Variants in TRIO observed in about 807,000 individuals in gnomAD.
TRIO encodes the protein triple functional domain protein.
Under a neutral mutation model 351.9 loss-of-function variants are expected in TRIO, and 58 were observed. The ratio of observed to expected loss-of-function variants is 0.16; its 90% CI spans 0.13 to 0.21. The LOEUF (loss-of-function observed/expected upper bound fraction) is 0.21, where lower values mean the gene tolerates loss of function less well. TRIO is among the 10% of genes least tolerant of loss of function. TRIO has a pLI of 1.00. For missense variants in TRIO, 3,201 were observed against 4,027.8 expected (o/e 0.79, Z 5.56); for synonymous variants, 1,758 against 1,595.7 (o/e 1.10, Z -2.42).
chr5:14,192,430 G>A (rs376431343), intron 1 of TRIO, among the ~76,000 whole-genome samples: 2 of 151,838 alleles, frequency 1.3e-5, no homozygotes, highest in South Asian at 2.1e-4. Flanking sequence ...GTGGATGCAC[G>A]CCCAGGTAAT....
chr5:14,253,415 G>A (rs920213047), intron 1 of TRIO, among the ~76,000 whole-genome samples: 2 of 152,170 alleles, frequency 1.3e-5, no homozygotes, highest in Non-Finnish European at 2.9e-5. Flanking sequence ...GAGTGCAGTG[G>A]CATGATCTTG....
chr5:14,206,029 C>T (rs980921565), intron 1 of TRIO, among the ~76,000 whole-genome samples: 4 of 151,812 alleles, frequency 2.6e-5, no homozygotes, highest in East Asian at 1.9e-4. Context: ...CCACTGTGCC[C>T]GGCCAAATAT....
intron 21 of TRIO, among the ~76,000 whole-genome samples, chr5:14,386,312 G>T (rs183804857): frequency 6.6e-6 from 1 of 152,114 alleles, no homozygotes; most frequent in African/African-American, 2.4e-5. Context: ...GCTGGGGGAC[G>T]GGGGTGCTGT....
intron 31 of TRIO, 119 bp from the exon 32 acceptor site, chr5:14,405,729 T>C: frequency 7.7e-7 from 1 of 1,292,312 alleles, no homozygotes; most frequent in Non-Finnish European, 1.0e-6. Flanking sequence ...TGGTTGCTTT[T>C]CTGCTAAAAA....
intron 29 of TRIO, chr5:14,397,490 A>G (rs1747707029): frequency 4.7e-6 from 1 of 211,404 alleles, no homozygotes; most frequent in African/African-American, 2.3e-5. Flanking sequence ...GGACTGTAAA[A>G]TCCTTAAAAG....
chr5:14,145,115 C>T (rs994015993), intron 1 of TRIO, among the ~76,000 whole-genome samples: 4 of 152,008 alleles, frequency 2.6e-5, no homozygotes, highest in Non-Finnish European at 4.4e-5. Context: ...AGCGGCCCTG[C>T]GCTGGGGGAC....
chr5:14,352,901 T>A (rs373629848), intron 11 of TRIO, among the ~76,000 whole-genome samples: 2 of 142,060 alleles, frequency 1.4e-5, no homozygotes, highest in Non-Finnish European at 3.1e-5. Context: ...TTTTTTTTTT[T>A]AACTACCAGG....
At chr5:14,430,865 G>A (rs993416364) in intron 34 of TRIO, among the ~76,000 whole-genome samples, 6 of 151,926 alleles carry the variant, frequency 3.9e-5, no homozygotes, top group Non-Finnish European at 7.4e-5. Context: ...TCAGGCACCC[G>A]CCACCCTGAC....
chr5:14,409,253 T>G (rs1400973271), intron 33 of TRIO, among the ~76,000 whole-genome samples: 1 of 152,008 alleles, frequency 6.6e-6, no homozygotes, highest in Non-Finnish European at 1.5e-5. Flanking sequence ...GTAGTGAAAT[T>G]AGCACGACTT....
intron 33 of TRIO, among the ~76,000 whole-genome samples, chr5:14,414,234 G>A (rs766795521): frequency 5.9e-5 from 9 of 152,224 alleles, no homozygotes; most frequent in Non-Finnish European, 1.2e-4. Flanking sequence ...CGCCTGTGGG[G>A]CCTGCACGGC....
intron 38 of TRIO, among the ~76,000 whole-genome samples, chr5:14,471,931 C>T (rs706282): frequency 0.22 from 33,480 of 150,444 alleles, 3,826 homozygotes; most frequent in Middle Eastern, 0.29. Flanking sequence ...AAAAAAAAAA[C>T]GTAAGCTACG....
intron 34 of TRIO, among the ~76,000 whole-genome samples, chr5:14,445,951 G>T (rs147591975): frequency 6.6e-6 from 1 of 152,226 alleles, no homozygotes; most frequent in African/African-American, 2.4e-5. Flanking sequence ...CCCCACGCAG[G>T]GGCGGTCTGC....
intron 34 of TRIO, among the ~76,000 whole-genome samples, chr5:14,457,774 T>C (rs1753471671): frequency 6.6e-6 from 1 of 152,120 alleles, no homozygotes; most frequent in Non-Finnish European, 1.5e-5. Context: ...CTGCCCTGCA[T>C]GCCCTTTTCC....
rs1161515486 is a variant in TRIO at position 14,487,976 on chromosome 5, CGGGCCG to C, written c.7355_7360del (p.Gly2452_Ala2453del). On this transcript the variant is annotated inframe_deletion, in exon 48 of 57. Transcript: ENST00000344204. The stretch of plus-strand genomic sequence containing the variant: ...GGGCACCCTGCCGCTTGGGAAGCCC[CGGGCCG>C]GGGCCGCTTCGCCGCTGAACTCGCC... The C allele has an allele frequency of 1.9e-6, 3 of 1,554,104 alleles. No homozygotes were observed. The highest frequency in any genetic ancestry group is 1.7e-6 in the Non-Finnish European group (2 of 1,149,920).
intron 15 of TRIO, among the ~76,000 whole-genome samples, chr5:14,366,573 T>G (rs1227211313): frequency 6.6e-6 from 1 of 152,240 alleles, no homozygotes. Flanking sequence ...GCCCATAATC[T>G]GTTTTGACTT....
intron 1 of TRIO, among the ~76,000 whole-genome samples, chr5:14,220,053 T>C: frequency 6.9e-6 from 1 of 145,748 alleles, no homozygotes; most frequent in African/African-American, 2.8e-5. Context: ...CTTCTTCTTT[T>C]TTTTTTTTTT....
chr5:14,310,135 T>A (rs1738788001), intron 8 of TRIO, among the ~76,000 whole-genome samples: 1 of 152,142 alleles, frequency 6.6e-6, no homozygotes, highest in Non-Finnish European at 1.5e-5. Flanking sequence ...CACAAGAGAG[T>A]GAAGCAGTGT....
intron 2 of TRIO, among the ~76,000 whole-genome samples, chr5:14,273,871 G>A (rs970894113): frequency 1.5e-4 from 23 of 152,112 alleles, no homozygotes; most frequent in South Asian, 2.1e-4. Flanking sequence ...GTTTATTATG[G>A]AACATTTTAA....
intron 11 of TRIO, among the ~76,000 whole-genome samples, chr5:14,357,881 G>A (rs920334106): frequency 7.9e-5 from 12 of 152,304 alleles, no homozygotes; most frequent in Non-Finnish European, 1.5e-4. Context: ...ATGGGAAAGA[G>A]CAGCTTCCCT....
Sources: gnomAD v4.1 joint callset for allele counts (sites outside exome capture counted in the v4.1 genomes callset) on GRCh38, gnomAD v4.1.1 for gene constraint, MANE v1.5 for transcripts, NCBI Gene and HGNC (gene_info 2026-07-23, HGNC 2026-07-21) for gene names.